The following EPG5 variants were observed in gnomAD, a reference collection of about 807,000 sequenced individuals.
EPG5 encodes the protein ectopic P granules protein 5 homolog.
A neutral mutation model predicts 302.7 loss-of-function variants in EPG5; 159 were observed. The ratio of observed to expected loss-of-function variants is 0.53; its 90% confidence interval spans 0.46 to 0.60. The LOEUF (loss-of-function observed/expected upper bound fraction) is 0.60. EPG5 is among the 20% of genes least tolerant of loss of function. The pLI is 0.00. For synonymous variants in EPG5, 1,158 were observed against 1,136.8 expected (o/e 1.02, Z -0.37); for missense variants, 2,896 against 3,092.4 (o/e 0.94, Z 1.51).
chr18:45,841,445 T>C, the EPG5 span, among the ~76,000 whole-genome samples: 4 of 151,960 alleles, frequency 2.6e-5, no homozygotes, highest in East Asian at 1.9e-4. Flanking sequence ...GTGGGTGCAA[T>C]GGGAAGTCAC....
intron 17 of EPG5, among the ~76,000 whole-genome samples, chr18:45,916,974 G>A (rs1289397856): frequency 2.0e-5 from 3 of 152,196 alleles, no homozygotes; most frequent in Non-Finnish European, 1.5e-5. Flanking sequence ...GAAGGGTTAG[G>A]TGAGTAGTTC....
chr18:45,852,352 A>G lies in EPG5; in HGVS notation c.*115T>C. On this transcript the variant is annotated 3_prime_UTR_variant, in exon 44 of 44. Coordinates refer to ENST00000282041, the MANE Select transcript of EPG5 (RefSeq NM_020964.3). ...CGCCTCCCAACTTGCATCTCAGTCA[A>G]CTACACATTGGCCAAACTGAGCTCT... The G allele has an allele frequency of 1.1e-6, 1 of 903,376 alleles. No individual in the cohort carries two copies. The highest frequency in any genetic ancestry group is 1.7e-6 in the Non-Finnish European group (1 of 596,942). The allele number at this position is 903,376 out of a possible 1,614,324, so 56.0% of individuals were successfully genotyped here.
the EPG5 span, among the ~76,000 whole-genome samples, chr18:45,834,594 C>G: frequency 1.2e-4 from 19 of 152,314 alleles, no homozygotes; most frequent in Admixed American, 9.2e-4. Context: ...CCCATCTTTA[C>G]GGCATCTGGC....
Position 45,915,587 on chromosome 18 carries a change from A to G in EPG5, c.3617T>C (p.Leu1206Pro). The change falls in exon 20 of 44, where the codon CTC becomes CCC. Residue 1206 changes from leucine (L) to proline (P), a missense_variant. Physicochemically the swap from Leu to Pro is moderately conservative, Grantham distance 98 (BLOSUM62 -3). Around this residue, in one of 5 missense-constraint regions of EPG5, gnomAD observed 1,390 missense variants for 1,430.0 expected, o/e 0.97. Transcript: ENST00000282041. Reference sequence around the variant, plus strand: ...CACAATCCAGCTTACCAAAGATGAGAGCAGACTCCGGTCACAGTGGTAACC... The same window carrying G: ...CACAATCCAGCTTACCAAAGATGAGGGCAGACTCCGGTCACAGTGGTAACC... Reference protein sequence around the residue: ...ALGYHCDRSLLSSLVSWIVAG... With the variant: ...ALGYHCDRSLPSSLVSWIVAG... 2 of 1,614,210 alleles carry G rather than the reference A, an allele frequency of 1.2e-6. No individual in the cohort carries two copies. Among genetic ancestry groups the G allele is most frequent in the Non-Finnish European group, 1.7e-6 (2 of 1,180,030 alleles).
chr18:45,878,552 A>G, intron 33 of EPG5, 104 bp from the exon 34 acceptor site: 2 of 722,626 alleles, frequency 2.8e-6, no homozygotes, highest in South Asian at 3.3e-5. Flanking sequence ...GTAGCTTCAT[A>G]AACCTATGTT....
the EPG5 span, among the ~76,000 whole-genome samples, chr18:45,801,704 C>A: frequency 6.6e-6 from 1 of 152,276 alleles, no homozygotes; most frequent in East Asian, 1.9e-4. Context: ...TTCTCCTACT[C>A]CCTTAATCAC....
the EPG5 span, chr18:45,837,551 G>A: frequency 4.0e-6 from 6 of 1,517,476 alleles, no homozygotes; most frequent in East Asian, 5.2e-5. Context: ...GGTGCCACCC[G>A]AGGTGAGCGC....
rs1028821124 is a variant in EPG5, at chr18:45,948,430, C to G, written c.1571+73G>C. 6.3e-5 allele frequency: 73 copies of G among 1,157,142 alleles called. No homozygotes were observed. In the African/African-American group the frequency reaches 1.0e-3, roughly 16 times the overall value. The allele number at this position is 1,157,142 out of a possible 1,614,324, so 71.7% of individuals were successfully genotyped here. ...TTAGCTGTTCTTCTTTGGATCTAGG[C>G]AGTTTCAGGAGCCAATCCTTTAGAA... is the stretch of plus-strand genomic sequence containing the variant. On this transcript the variant is annotated intron_variant, in intron 6 of 43. Coordinates refer to ENST00000282041, the MANE Select transcript of EPG5 (RefSeq NM_020964.3).
chr18:45,822,026 T>C, the EPG5 span, among the ~76,000 whole-genome samples: 1 of 152,216 alleles, frequency 6.6e-6, no homozygotes, highest in South Asian at 2.1e-4. Context: ...AACTACTATA[T>C]GATTCAGCAA....
chr18:45,883,689 G>A (rs866804105), intron 30 of EPG5, among the ~76,000 whole-genome samples: 31 of 122,860 alleles, frequency 2.5e-4, no homozygotes, highest in African/African-American at 9.2e-4. Context: ...AAATTCCTAC[G>A]CTCAAGCAAT....
chr18:45,838,675 G>A, the EPG5 span: 3 of 1,510,124 alleles, frequency 2.0e-6, no homozygotes, highest in Non-Finnish European at 2.6e-6. Flanking sequence ...AGGGCTAAGG[G>A]GAGGGGTGCC....
chr18:45,905,004 T>A (rs1334764613), intron 24 of EPG5, among the ~76,000 whole-genome samples: 1 of 152,114 alleles, frequency 6.6e-6, no homozygotes, highest in Non-Finnish European at 1.5e-5. Flanking sequence ...ATTATACTGC[T>A]CTCCCTATTT....
chr18:45,837,517 G>A, the EPG5 span: 2 of 1,495,850 alleles, frequency 1.3e-6, no homozygotes, highest in Non-Finnish European at 8.8e-7. Context: ...CCTCAGGCTC[G>A]CCAGCGCAGC....
In EPG5 at chr18:45,852,318, A is replaced by C; in HGVS notation, c.*149T>G. ...ACACACACACACCCCAAAATTATCT[A>C]ATATCTAACGCCTCCCAACTTGCAT... On this transcript the variant is annotated 3_prime_UTR_variant, in exon 44 of 44. Coordinates refer to ENST00000282041, the MANE Select transcript of EPG5 (RefSeq NM_020964.3). 2 of 652,822 alleles carry C rather than the reference A, an allele frequency of 3.1e-6. No individual in the cohort carries two copies. The highest frequency in any genetic ancestry group is 4.1e-5 in the South Asian group (2 of 49,060). The allele number at this position is 652,822 out of a possible 1,614,324, so 40.4% of individuals were successfully genotyped here.
At chr18:45,845,131 CA>C (rs926156558), downstream of EPG5, among the ~76,000 whole-genome samples, 1 of 152,196 alleles carries the variant, frequency 6.6e-6, no homozygotes, top group African/African-American at 2.4e-5. Context: ...GCTCTGGGTG[CA>C]CCTGGCATTG....
rs201694766 is a variant in EPG5, at chr18:45,930,756, T to C, written c.2332A>G (p.Thr778Ala). ...CTGGCCTGAGCCATCTGAGCAAAGG[T>C]AGTCAGAAGGCAAATCTCTTCTGAG... ...NSSEEICLLTTFAQMAQARRT... is the reference protein window; with the variant it reads ...NSSEEICLLTAFAQMAQARRT... The change falls in exon 12 of 44, where the codon ACC (threonine) becomes GCC (alanine). Residue 778 changes from threonine (T) to alanine (A), a missense_variant. By Grantham distance (58) the Thr-to-Ala change is moderately conservative. Around this residue, in one of 5 missense-constraint regions of EPG5, gnomAD observed 1,390 missense variants for 1,430.0 expected, o/e 0.97. Transcript: ENST00000282041. 115 of 1,612,062 alleles carry C rather than the reference T, an allele frequency of 7.1e-5. No individual in the cohort carries two copies. Among genetic ancestry groups the C allele is most frequent in the Non-Finnish European group, 8.7e-5 (103 of 1,179,408 alleles).
the EPG5 span, among the ~76,000 whole-genome samples, chr18:45,815,484 A>G: frequency 6.6e-6 from 1 of 152,206 alleles, no homozygotes; most frequent in African/African-American, 2.4e-5. Context: ...TAGCTCTTCT[A>G]TACATCAACA....
chr18:45,831,892 T>C, the EPG5 span, among the ~76,000 whole-genome samples: 1 of 152,152 alleles, frequency 6.6e-6, no homozygotes, highest in African/African-American at 2.4e-5. Flanking sequence ...CGTGCACCAC[T>C]GCGCCCAGCT....
intron 2 of EPG5, 28 bp downstream of exon 2, chr18:45,954,366 A>G (rs772815549): frequency 1.3e-6 from 2 of 1,555,042 alleles, no homozygotes; most frequent in Non-Finnish European, 1.7e-6. Context: ...GCTCCGCTGC[A>G]AATTCCCCAG....
Sources: allele counts gnomAD v4.1 joint callset (sites outside exome capture counted in the v4.1 genomes callset), GRCh38; gene constraint gnomAD v4.1.1; regional missense constraint gnomAD v4.1.1; transcripts MANE v1.5; gene names NCBI Gene and HGNC (gene_info 2026-07-23, HGNC 2026-07-21).